Variants in PRKD1 observed in about 807,000 individuals in gnomAD.
PRKD1 encodes serine/threonine-protein kinase D1.
A neutral mutation model predicts 95.9 loss-of-function variants in PRKD1; 63 were observed. The ratio of observed to expected loss-of-function variants is 0.66; its 90% confidence interval spans 0.54 to 0.81. The LOEUF is 0.81. Among genes scored for constraint, PRKD1 ranks in the 30% least tolerant of loss-of-function variants. The pLI is 0.00. For missense variants in PRKD1, 1,048 were observed against 1,165.3 expected, an observed-to-expected ratio of 0.90 and a Z score of 1.47; for synonymous variants, 425 against 423.1, an observed-to-expected ratio of 1.00 and a Z score of -0.05.
rs201533725 is a variant in PRKD1 at position 29,692,483 on chromosome 14, G to A, written c.404-26275C>T. On this transcript the variant is annotated intron_variant, in intron 2 of 17. Transcript: ENST00000331968. ...TTTCAGAATGGCCATTCTCTTAGTC[G>A]CTTTTTAGGAAGGAATTGCTTTTAT... is the stretch of plus-strand genomic sequence containing the variant. 9.2e-5 allele frequency among the ~76,000 whole-genome samples: 14 copies of A among 152,194 alleles called. No homozygotes were observed. In the East Asian group the frequency reaches 9.6e-4, roughly 10 times the overall value.
At chr14:29,653,660 C>T (rs1443689529) in intron 4 of PRKD1, among the ~76,000 whole-genome samples, 3 of 151,902 alleles carry the variant, frequency 2.0e-5, no homozygotes, top group African/African-American at 7.3e-5. Flanking sequence ...CAACATGTCT[C>T]TATATGGTTA....
intron 13 of PRKD1, among the ~76,000 whole-genome samples, chr14:29,619,430 A>C (rs1453790871): frequency 6.6e-6 from 1 of 152,166 alleles, no homozygotes; most frequent in Non-Finnish European, 1.5e-5. Flanking sequence ...AATTCAACAA[A>C]AATTTATTTA....
intron 1 of PRKD1, among the ~76,000 whole-genome samples, chr14:29,901,279 C>T (rs1328916234): frequency 6.6e-6 from 1 of 152,104 alleles, no homozygotes; most frequent in Non-Finnish European, 1.5e-5. Flanking sequence ...TAAATGGGAG[C>T]TAAGCATTAA....
At chr14:29,775,656 A>T (rs1888710338) in intron 1 of PRKD1, among the ~76,000 whole-genome samples, 1 of 152,152 alleles carries the variant, frequency 6.6e-6, no homozygotes, top group South Asian at 2.1e-4. Context: ...CGAAGCTCAA[A>T]CTGGGTGGAG....
intron 1 of PRKD1, among the ~76,000 whole-genome samples, chr14:29,754,880 G>T (rs1887627193): frequency 6.6e-6 from 1 of 152,054 alleles, no homozygotes; most frequent in South Asian, 2.1e-4. Context: ...TTCATTTAGG[G>T]AGATTGATAT....
intron 1 of PRKD1, among the ~76,000 whole-genome samples, chr14:29,778,704 G>A (rs1300702570): frequency 1.3e-5 from 2 of 152,138 alleles, no homozygotes; most frequent in African/African-American, 2.4e-5. Context: ...AATTCTACCA[G>A]AGGTACAAGG....
At chr14:29,746,503 T>C (rs1368359671) in intron 1 of PRKD1, among the ~76,000 whole-genome samples, 1 of 150,084 alleles carries the variant, frequency 6.7e-6, no homozygotes, top group Non-Finnish European at 1.5e-5. Flanking sequence ...ATCCTTCTAT[T>C]ATTTATCTCA....
intron 2 of PRKD1, among the ~76,000 whole-genome samples, chr14:29,711,841 T>C (rs1885348731): frequency 6.6e-6 from 1 of 152,092 alleles, no homozygotes; most frequent in Non-Finnish European, 1.5e-5. Context: ...TTTTATTACT[T>C]TTCATGCCCT....
rs1879816388 is a variant in PRKD1, at chr14:29,629,087, A to G, written c.1679T>C (p.Ile560Thr). Residue 560 changes from isoleucine to threonine, a missense_variant, in exon 11 of 18, where the codon ATC (isoleucine) becomes ACC (threonine). This residue lies in a region of PRKD1 where 739 missense variants were observed against 861.9 expected (regional missense o/e 0.86). Transcript: ENST00000331968. ...VGTGTNLHRDISVSISVSNCQ... is the reference protein window; with the variant it reads ...VGTGTNLHRDTSVSISVSNCQ... ...ATTTGATACTGAAATACTCACAGAG[A>G]TATCTCCTGGAAATGCATGTAAAAC... The G allele has an allele frequency of 1.4e-5, 22 of 1,608,288 alleles. No individual in the cohort carries two copies. Among genetic ancestry groups the G allele is most frequent in the Non-Finnish European group, 1.9e-5 (22 of 1,177,302 alleles).
At chr14:29,654,695 CGGATAA>C (rs1163692190) in intron 4 of PRKD1, among the ~76,000 whole-genome samples, 1 of 152,048 alleles carries the variant, frequency 6.6e-6, no homozygotes, top group Non-Finnish European at 1.5e-5. Context: ...TCCATGAAGG[CGGATAA>C]TTTATCTATT....
At chr14:29,769,916 T>C (rs1888428037) in intron 1 of PRKD1, among the ~76,000 whole-genome samples, 1 of 152,218 alleles carries the variant, frequency 6.6e-6, no homozygotes, top group South Asian at 2.1e-4. Context: ...ATAATTCATA[T>C]GTTGAAACCT....
chr14:29,682,472 TATCCTTC>T (rs1263839483), intron 2 of PRKD1, among the ~76,000 whole-genome samples: 3 of 152,236 alleles, frequency 2.0e-5, no homozygotes, highest in African/African-American at 7.2e-5. Context: ...AATTAGCTTA[TATCCTTC>T]ATGTAATTGT....
intron 13 of PRKD1, among the ~76,000 whole-genome samples, chr14:29,621,659 A>C (rs1390817813): frequency 6.6e-6 from 1 of 152,204 alleles, no homozygotes; most frequent in African/African-American, 2.4e-5. Context: ...TATCCAACTC[A>C]GCATAACTGA....
intron 1 of PRKD1, among the ~76,000 whole-genome samples, chr14:29,925,280 T>C (rs1895257819): frequency 6.6e-6 from 1 of 152,190 alleles, no homozygotes; most frequent in Non-Finnish European, 1.5e-5. Context: ...TGACTGAACT[T>C]CGGTGCTCTT....
chr14:29,860,352 T>C (rs904620936), intron 1 of PRKD1, among the ~76,000 whole-genome samples: 4 of 152,158 alleles, frequency 2.6e-5, no homozygotes, highest in Non-Finnish European at 4.4e-5. Flanking sequence ...TCACATCGTG[T>C]GTAGCTCAGA....
intron 2 of PRKD1, among the ~76,000 whole-genome samples, chr14:29,701,522 T>C (rs758948883): frequency 6.6e-5 from 10 of 152,204 alleles, no homozygotes; most frequent in Non-Finnish European, 1.5e-4. Context: ...ATTAGTGCTA[T>C]TTGGTTATTT....
At chr14:29,735,575 T>G (rs192431093) in intron 1 of PRKD1, among the ~76,000 whole-genome samples, 3 of 152,324 alleles carry the variant, frequency 2.0e-5, no homozygotes, top group East Asian at 1.9e-4. Flanking sequence ...CTCAACTTTA[T>G]AAAGACTTCT....
intron 2 of PRKD1, among the ~76,000 whole-genome samples, chr14:29,723,750 T>C (rs2139389661): frequency 6.6e-6 from 1 of 152,152 alleles, no homozygotes; most frequent in African/African-American, 2.4e-5. Flanking sequence ...AAAATGGCAC[T>C]ATGTCGTTCA....
chr14:29,700,972 GCATGCGCGCGCGCGCGCACA>G (rs1185207333), intron 2 of PRKD1, among the ~76,000 whole-genome samples: 1 of 53,998 alleles, frequency 1.9e-5, no homozygotes, highest in Non-Finnish European at 4.2e-5. Flanking sequence ...GTACGCGTGC[GCATGCGCGCGCGCGCGCACA>G]CACACACACA....
Sources: allele counts gnomAD v4.1 joint callset (sites outside exome capture counted in the v4.1 genomes callset), GRCh38; gene constraint gnomAD v4.1.1; regional missense constraint gnomAD v4.1.1; transcripts MANE v1.5; gene names NCBI Gene and HGNC (gene_info 2026-07-23, HGNC 2026-07-21).